Variants in TMEM175 observed in about 807,000 individuals in gnomAD.
The protein encoded by TMEM175 is transmembrane protein 175.
TMEM175 carries 36 observed loss-of-function variants against 36.5 expected under a neutral mutation model. The ratio of observed to expected loss-of-function variants is 0.99; its 90% CI spans 0.76 to 1.30. The LOEUF (loss-of-function observed/expected upper bound fraction) is 1.30, where lower values mean the gene tolerates loss of function less well. TMEM175 is among the 50% of genes most tolerant of loss of function. The probability of loss-of-function intolerance (pLI) is 0.00; values close to 1 mark genes in which losing one functional copy is unlikely to be tolerated. For missense variants in TMEM175, 705 were observed against 692.8 expected (o/e 1.02, Z -0.20); for synonymous variants, 339 against 313.4 (o/e 1.08, Z -0.86).
intron 8 of TMEM175, among the ~76,000 whole-genome samples, chr4:954,610 C>T (rs1373996755): frequency 9.9e-5 from 15 of 152,186 alleles, no homozygotes; most frequent in South Asian, 2.1e-4. Flanking sequence ...TTGCTGGACA[C>T]GTGTCTCTTC....
At chr4:947,476 C>G (rs1247204286) in intron 1 of TMEM175, among the ~76,000 whole-genome samples, 2 of 152,216 alleles carry the variant, frequency 1.3e-5, no homozygotes, top group African/African-American at 4.8e-5. Context: ...CCACCCAGAT[C>G]AGTGTTCACC....
At chr4:948,272 G>A (rs1156771683) in intron 3 of TMEM175, 118 bp downstream of exon 3, 1 of 1,599,070 alleles carries the variant, frequency 6.3e-7, no homozygotes, top group Non-Finnish European at 8.5e-7. Context: ...GGCTTAGGAG[G>A]CAGAGGCGGG....
chr4:938,094 T>C (rs1727001045), intron 1 of TMEM175, among the ~76,000 whole-genome samples: 1 of 152,024 alleles, frequency 6.6e-6, no homozygotes, highest in South Asian at 2.1e-4. Context: ...TATGAAATAA[T>C]AAAAGACTGA....
intron 9 of TMEM175, 44 bp downstream of exon 9, chr4:955,527 G>A (rs561824968): frequency 2.2e-5 from 34 of 1,576,714 alleles, no homozygotes; most frequent in South Asian, 5.6e-5. Context: ...CCTGTAGTCC[G>A]CCCACCTCCG....
intron 4 of TMEM175, 51 bp from the exon 5 acceptor site, chr4:951,156 A>T: frequency 6.5e-7 from 1 of 1,533,258 alleles, no homozygotes; most frequent in Non-Finnish European, 9.0e-7. Flanking sequence ...GTGTGCATTT[A>T]ATGTTACTAC....
chr4:957,169 C>T (rs1729779656), intron 10 of TMEM175, among the ~76,000 whole-genome samples: 3 of 152,226 alleles, frequency 2.0e-5, no homozygotes, highest in Admixed American at 2.0e-4. Context: ...CCCCCAACCC[C>T]CACCCCTCAC....
chr4:950,578 C>G (rs572142482), intron 4 of TMEM175, 60 bp downstream of exon 4: 166 of 1,264,320 alleles, frequency 1.3e-4, no homozygotes, highest in Non-Finnish European at 1.7e-4. Context: ...GTACCCCGCA[C>G]CACATCACGC....
At chr4:950,607 G>A in intron 4 of TMEM175, 89 bp downstream of exon 4, 2 of 1,027,376 alleles carry the variant, frequency 1.9e-6, no homozygotes, top group South Asian at 2.7e-5. Context: ...ATGGGGTCGG[G>A]GAGGACAGCA....
chr4:939,586 A>G (rs1312306551), intron 1 of TMEM175, among the ~76,000 whole-genome samples: 1 of 152,024 alleles, frequency 6.6e-6, no homozygotes, highest in African/African-American at 2.4e-5. Flanking sequence ...CGTGGGGGTG[A>G]GTGCCTGTAA....
chr4:955,807 C>T lies in TMEM175; in HGVS notation c.759C>T (p.His253=), dbSNP rs757497603. ...HPVEVFSFDL[H]EPLSKERVEA... Reference sequence around the variant, plus strand: ...TGGAAGTCTTCTCGTTTGACCTCCACGAGCCACTCAGCAAGGAGCGCGTGG... The same window carrying T: ...TGGAAGTCTTCTCGTTTGACCTCCATGAGCCACTCAGCAAGGAGCGCGTGG... The change falls in exon 10 of 11, where the codon CAC becomes CAT. Residue 253 remains histidine, a synonymous_variant. Transcript: ENST00000264771. The T allele has an allele frequency of 1.5e-5, 24 of 1,603,862 alleles. No individual in the cohort carries two copies. The South Asian group carries it at 1.5e-4, about 10-fold the overall frequency.
At chr4:948,573 C>T in intron 3 of TMEM175, 1 of 1,320,076 alleles carries the variant, frequency 7.6e-7, no homozygotes, top group Non-Finnish European at 9.9e-7. Flanking sequence ...CGCCCCGTCT[C>T]AGCGGGGACA....
intron 10 of TMEM175, among the ~76,000 whole-genome samples, chr4:957,055 G>A (rs1577454929): frequency 6.6e-6 from 1 of 152,354 alleles, no homozygotes; most frequent in Admixed American, 6.5e-5. Flanking sequence ...AGAGGCAGCA[G>A]CGTGGGGCCG....
intron 5 of TMEM175, 53 bp downstream of exon 5, chr4:951,311 C>T: frequency 6.2e-7 from 1 of 1,602,236 alleles, no homozygotes; most frequent in Non-Finnish European, 8.6e-7. Flanking sequence ...GTAATCTGAC[C>T]CTCAGGGAAG....
At chr4:954,757 C>T (rs946328737) in intron 8 of TMEM175, among the ~76,000 whole-genome samples, 1 of 152,152 alleles carries the variant, frequency 6.6e-6, no homozygotes, top group African/African-American at 2.4e-5. Flanking sequence ...TTTTACATTC[C>T]CACCAGCAGC....
chr4:934,445 T>C (rs1726574875), intron 1 of TMEM175, among the ~76,000 whole-genome samples: 1 of 151,154 alleles, frequency 6.6e-6, no homozygotes, highest in Non-Finnish European at 1.5e-5. Flanking sequence ...AAATGGAAGA[T>C]ATGTGTTGGA....
intron 3 of TMEM175, among the ~76,000 whole-genome samples, chr4:949,550 A>C (rs1728600270): frequency 6.6e-6 from 1 of 152,210 alleles, no homozygotes; most frequent in South Asian, 2.1e-4. Context: ...TAACTTTGAA[A>C]ACCCATGATT....
intron 8 of TMEM175, 152 bp downstream of exon 8, chr4:953,506 G>C: frequency 2.0e-6 from 2 of 976,754 alleles, no homozygotes; most frequent in Non-Finnish European, 2.9e-6. Flanking sequence ...CAGGGCTGCA[G>C]TGAGTGGCAC....
intron 6 of TMEM175, 63 bp downstream of exon 6, chr4:951,780 C>T: frequency 6.4e-7 from 1 of 1,565,344 alleles, no homozygotes; most frequent in South Asian, 1.1e-5. Flanking sequence ...TTTGACCTGT[C>T]CTCAAAAGCA....
rs367858998 is a variant in TMEM175 at position 947,904 on chromosome 4, G to A, written c.153+12G>A. The stretch of plus-strand genomic sequence containing the variant: ...TCGCCACCGTCATGGTCTGTACGGG[G>A]CCCCTGCTTAGGCCTGCCCCACCCC... On this transcript the variant is annotated intron_variant, in intron 2 of 10. Coordinates refer to ENST00000264771, the MANE Select transcript of TMEM175 (RefSeq NM_032326.4). The A allele has an allele frequency of 6.8e-6, 11 of 1,613,692 alleles. No homozygotes were observed. The highest frequency in any genetic ancestry group is 9.3e-6 in the Non-Finnish European group (11 of 1,180,012).
Sources: gnomAD v4.1 joint callset for allele counts (sites outside exome capture counted in the v4.1 genomes callset) on GRCh38, gnomAD v4.1.1 for gene constraint, MANE v1.5 for transcripts, NCBI Gene and HGNC (gene_info 2026-07-23, HGNC 2026-07-21) for gene names.